GPR137C: variants seen among roughly 807,000 people sequenced by gnomAD.
The protein encoded by GPR137C is G protein-coupled receptor 137C.
A neutral mutation model predicts 43.4 loss-of-function variants in GPR137C; 27 were observed. The observed-to-expected ratio is 0.62, with a 90% CI of 0.46 to 0.86. The LOEUF is 0.86. Among genes scored for constraint, GPR137C ranks in the 40% least tolerant of loss-of-function variants. The pLI is 0.00. For synonymous variants in GPR137C, 285 were observed against 226.9 expected (o/e 1.26, Z -2.30); for missense variants, 522 against 534.6 (o/e 0.98, Z 0.23).
intron 1 of GPR137C, among the ~76,000 whole-genome samples, chr14:52,558,167 G>T (rs371492156): frequency 6.6e-6 from 1 of 152,038 alleles, no homozygotes; most frequent in East Asian, 1.9e-4. Flanking sequence ...GGGTAGGGCA[G>T]GAGTGGTTTT....
chr14:52,592,172 C>T (rs1333810260), intron 1 of GPR137C, among the ~76,000 whole-genome samples: 1 of 152,034 alleles, frequency 6.6e-6, no homozygotes, highest in South Asian at 2.1e-4. Flanking sequence ...CTGTTCTGTT[C>T]CATTGGTCTA....
chr14:52,594,670 G>A (rs1434434298), intron 1 of GPR137C, among the ~76,000 whole-genome samples: 2 of 151,966 alleles, frequency 1.3e-5, no homozygotes, highest in African/African-American at 4.8e-5. Flanking sequence ...CATTTGCTTG[G>A]TAGATCTTCC....
Position 52,635,772 on chromosome 14 carries a change from A to G in GPR137C, c.*657A>G, listed in dbSNP as rs1422358198. 1.3e-5 allele frequency: 2 copies of G among 152,130 alleles called. No individual in the cohort carries two copies. The highest frequency in any genetic ancestry group is 3.8e-4 in the East Asian group (2 of 5,202). The allele number at this position is 152,130 out of a possible 1,614,324, so 9.4% of individuals were successfully genotyped here. A position where few individuals can be genotyped will look rare whatever the true frequency, so the allele number is the denominator to read the frequency against. On this transcript the variant is annotated 3_prime_UTR_variant, in exon 7 of 7. Transcript: ENST00000321662. ...CACAATAATTTCAAGAGGAAAATAT[A>G]CCAGTGAAAATTGTGTGGCTATTTT...
At chr14:52,607,703 C>T (rs1244315956) in intron 3 of GPR137C, among the ~76,000 whole-genome samples, 1 of 151,994 alleles carries the variant, frequency 6.6e-6, no homozygotes, top group African/African-American at 2.4e-5. Flanking sequence ...GGCAAAACCC[C>T]GTCTCTAGTA....
At position 52,617,129 on chromosome 14, in the gene GPR137C, A is replaced by G. The variant is rs111973142; in HGVS notation, c.718-15031A>G. On this transcript the variant is annotated intron_variant, in intron 3 of 6. Coordinates refer to ENST00000321662, the MANE Select transcript of GPR137C (RefSeq NM_001099652.2). The stretch of plus-strand genomic sequence containing the variant: ...CTCTGTCAGCCATGGTGATCTTATG[A>G]TATCTATTTTTGGTACTGGCTCTAC... Among the ~76,000 whole-genome samples, 279 of 152,132 alleles carry G rather than the reference A, an allele frequency of 1.8e-3. 2 individuals are homozygous for G. Among genetic ancestry groups the G allele is most frequent in the African/African-American group, 6.5e-3 (271 of 41,514 alleles).
At chr14:52,568,966 A>G (rs149924268) in intron 1 of GPR137C, among the ~76,000 whole-genome samples, 591 of 152,332 alleles carry the variant, frequency 3.9e-3, no homozygotes, top group Middle Eastern at 0.01. Flanking sequence ...CTGCCTCCTC[A>G]ATTGGGTCCC....
At chr14:52,562,141 G>A (rs915688983) in intron 1 of GPR137C, among the ~76,000 whole-genome samples, 1 of 151,594 alleles carries the variant, frequency 6.6e-6, no homozygotes, top group Non-Finnish European at 1.5e-5. Flanking sequence ...ATCCAAAGGA[G>A]ATGAATCTTA....
chr14:52,566,981 T>C (rs1594781852), intron 1 of GPR137C, among the ~76,000 whole-genome samples: 1 of 152,066 alleles, frequency 6.6e-6, no homozygotes, highest in Non-Finnish European at 1.5e-5. Context: ...AGCATGGTGG[T>C]GTGTACCTGT....
intron 1 of GPR137C, among the ~76,000 whole-genome samples, chr14:52,581,391 C>T (rs2038644856): frequency 6.7e-6 from 1 of 149,258 alleles, no homozygotes; most frequent in African/African-American, 2.5e-5. Context: ...AAAAAAATAG[C>T]TGGGCATGGT....
intron 3 of GPR137C, among the ~76,000 whole-genome samples, chr14:52,624,786 A>C (rs1320728517): frequency 1.3e-5 from 2 of 152,086 alleles, no homozygotes; most frequent in African/African-American, 4.8e-5. Flanking sequence ...GGAAACAAAA[A>C]ATGGAGAAAT....
intron 1 of GPR137C, among the ~76,000 whole-genome samples, chr14:52,570,564 G>A (rs898376207): frequency 3.3e-5 from 5 of 152,166 alleles, no homozygotes; most frequent in African/African-American, 1.2e-4. Flanking sequence ...TTTGGATAAA[G>A]AGTCAAGACC....
chr14:52,605,833 G>A (rs1054594180), intron 3 of GPR137C, among the ~76,000 whole-genome samples: 3 of 152,254 alleles, frequency 2.0e-5, no homozygotes, highest in South Asian at 2.1e-4. Context: ...CTGTTGCTGC[G>A]ATATATCACA....
intron 1 of GPR137C, among the ~76,000 whole-genome samples, chr14:52,579,246 C>A (rs905286159): frequency 6.6e-6 from 1 of 152,130 alleles, no homozygotes; most frequent in Admixed American, 6.5e-5. Context: ...GCTAAACTAT[C>A]AACTGTGCCT....
chr14:52,632,102 A>C (rs1239043741), intron 3 of GPR137C, 58 bp from the exon 4 acceptor site: 4 of 1,222,822 alleles, frequency 3.3e-6, no homozygotes, highest in Non-Finnish European at 3.6e-6. Context: ...ATGTACATGA[A>C]TAGCTTGTCG....
chr14:52,597,015 A>G (rs570589608), intron 1 of GPR137C: 4 of 455,370 alleles, frequency 8.8e-6, no homozygotes, highest in South Asian at 4.6e-5. Context: ...CTCAGAACAT[A>G]TATCTCTGTC....
At chr14:52,596,542 C>A (rs948080014) in intron 1 of GPR137C, among the ~76,000 whole-genome samples, 1 of 152,220 alleles carries the variant, frequency 6.6e-6, no homozygotes, top group African/African-American at 2.4e-5. Context: ...GATGCCCCTC[C>A]CCCTGCTGGG....
intron 4 of GPR137C, among the ~76,000 whole-genome samples, chr14:52,632,891 AT>A (rs2039311046): frequency 6.6e-6 from 1 of 152,092 alleles, no homozygotes; most frequent in South Asian, 2.1e-4. Flanking sequence ...CTAAACATAC[AT>A]TTTGACATAG....
At chr14:52,621,763 C>T (rs1414117700) in intron 3 of GPR137C, among the ~76,000 whole-genome samples, 1 of 151,506 alleles carries the variant, frequency 6.6e-6, no homozygotes, top group African/African-American at 2.4e-5. Context: ...CAATGGTTCT[C>T]AAATTTTTTG....
intron 3 of GPR137C, among the ~76,000 whole-genome samples, chr14:52,631,011 ATGATTTTC>A (rs1278319550): frequency 6.6e-6 from 1 of 152,218 alleles, no homozygotes; most frequent in Non-Finnish European, 1.5e-5. Flanking sequence ...TGTCAATGTC[ATGATTTTC>A]TGAAATATTT....
Sources: gnomAD v4.1 joint callset for allele counts (sites outside exome capture counted in the v4.1 genomes callset) on GRCh38, gnomAD v4.1.1 for gene constraint, MANE v1.5 for transcripts, NCBI Gene and HGNC (gene_info 2026-07-23, HGNC 2026-07-21) for gene names.